Variants in RASA2 observed in about 807,000 individuals in gnomAD.
The protein encoded by RASA2 is ras GTPase-activating protein 2.
A neutral mutation model predicts 118.2 loss-of-function variants in RASA2; 155 were observed. The ratio of observed to expected loss-of-function variants is 1.31; its 90% CI spans 1.15 to 1.50. The LOEUF is 1.50. RASA2 is among the 40% of genes most tolerant of loss of function. RASA2 has a pLI of 0.00. For synonymous variants in RASA2, 353 were observed against 349.1 expected (o/e 1.01, Z -0.12); for missense variants, 1,016 against 1,009.6 (o/e 1.01, Z -0.09).
intron 1 of RASA2, among the ~76,000 whole-genome samples, chr3:141,490,277 A>G (rs1486794194): frequency 2.0e-5 from 3 of 146,514 alleles, no homozygotes; most frequent in Non-Finnish European, 4.5e-5. Flanking sequence ...ACTCCTGTGT[A>G]GCGAGTAGCA....
intron 19 of RASA2, among the ~76,000 whole-genome samples, chr3:141,604,191 T>G (rs2083511615): frequency 6.6e-6 from 1 of 152,226 alleles, no homozygotes. Flanking sequence ...AGTAGGAAAT[T>G]TAATGCACTC....
chr3:141,497,368 T>C (rs1000864544), intron 1 of RASA2, among the ~76,000 whole-genome samples: 2 of 151,928 alleles, frequency 1.3e-5, no homozygotes, highest in African/African-American at 2.4e-5. Flanking sequence ...TGGTTTGATT[T>C]CCTATAGGGA....
chr3:141,531,992 A>G (rs558661581), intron 4 of RASA2, among the ~76,000 whole-genome samples: 13 of 152,152 alleles, frequency 8.5e-5, no homozygotes, highest in Non-Finnish European at 1.8e-4. Context: ...AGAGCAATTA[A>G]TAGGGAAATA....
At chr3:141,542,097 T>A (rs2082413745) in intron 5 of RASA2, among the ~76,000 whole-genome samples, 4 of 151,872 alleles carry the variant, frequency 2.6e-5, no homozygotes, top group African/African-American at 9.7e-5. Flanking sequence ...CTTCTAGGCT[T>A]AATTTTATTT....
intron 1 of RASA2, among the ~76,000 whole-genome samples, chr3:141,494,265 T>G (rs1036380236): frequency 7.2e-5 from 11 of 152,284 alleles, no homozygotes; most frequent in African/African-American, 2.7e-4. Context: ...TATAGCAATT[T>G]AAGCTCTCAC....
chr3:141,577,065 G>GT lies in RASA2; in HGVS notation c.1550dup (p.Val518SerfsTer19). On this transcript the variant is annotated frameshift_variant, in exon 15 of 24. Transcript: ENST00000286364. LOFTEE classifies it high-confidence loss of function. The stretch of plus-strand genomic sequence containing the variant: ...ATTTCTTCGTTTCTTTGCTGTAGCC[G>GT]TAGTATCACCTCATACTTTTCATTT... 1 of 1,610,900 alleles carries GT rather than the reference G, an allele frequency of 6.2e-7. No homozygotes were observed. The highest frequency in any genetic ancestry group is 8.5e-7 in the Non-Finnish European group (1 of 1,178,026).
chr3:141,526,129 G>A (rs754640627), intron 3 of RASA2: 2 of 152,210 alleles, frequency 1.3e-5, no homozygotes, highest in Non-Finnish European at 2.9e-5. Flanking sequence ...TTCCTCATCT[G>A]TAAGATGGTG....
chr3:141,538,792 A>G (rs971750093), intron 4 of RASA2, among the ~76,000 whole-genome samples: 4 of 152,178 alleles, frequency 2.6e-5, no homozygotes, highest in African/African-American at 9.7e-5. Flanking sequence ...AGTGGGAGTA[A>G]TGAACATATT....
chr3:141,502,284 C>G (rs1014254576), intron 1 of RASA2, among the ~76,000 whole-genome samples: 1 of 151,924 alleles, frequency 6.6e-6, no homozygotes, highest in African/African-American at 2.4e-5. Context: ...TTTTTCTTTC[C>G]TCCTATCTCC....
At chr3:141,500,870 ATTTTTTTTG>A (rs369258347) in intron 1 of RASA2, among the ~76,000 whole-genome samples, 4,760 of 151,604 alleles carry the variant, frequency 0.031, 260 homozygotes, top group African/African-American at 0.11. Context: ...TTTATTTTTT[ATTTTTTTTG>A]TCTCTCAGAT....
At chr3:141,488,334 T>A (rs928242551) in intron 1 of RASA2, among the ~76,000 whole-genome samples, 3 of 152,204 alleles carry the variant, frequency 2.0e-5, no homozygotes, top group African/African-American at 7.2e-5. Flanking sequence ...AACCCTCAAT[T>A]ATGAGGGCGT....
intron 2 of RASA2, among the ~76,000 whole-genome samples, chr3:141,512,822 G>A (rs191884990): frequency 6.6e-6 from 1 of 152,294 alleles, no homozygotes; most frequent in East Asian, 1.9e-4. Context: ...CAGCACTTTG[G>A]GAGGCAGACG....
intron 3 of RASA2, among the ~76,000 whole-genome samples, chr3:141,524,135 A>G (rs1450441832): frequency 2.6e-5 from 4 of 152,148 alleles, no homozygotes; most frequent in Admixed American, 2.6e-4. Context: ...AGCTGAACCT[A>G]GCTGAGTGGC....
At chr3:141,537,801 A>G (rs746515649) in intron 4 of RASA2, among the ~76,000 whole-genome samples, 5 of 152,106 alleles carry the variant, frequency 3.3e-5, no homozygotes, top group African/African-American at 4.8e-5. Context: ...AATTCTGTCA[A>G]TTCCAATATC....
chr3:141,567,166 A>G (rs2082832766), intron 9 of RASA2, among the ~76,000 whole-genome samples: 1 of 152,210 alleles, frequency 6.6e-6, no homozygotes, highest in Admixed American at 6.5e-5. Context: ...CTGTAATCCC[A>G]GCACTTTGGG....
At chr3:141,522,954 C>T (rs866428374) in intron 3 of RASA2, among the ~76,000 whole-genome samples, 2 of 152,100 alleles carry the variant, frequency 1.3e-5, no homozygotes, top group African/African-American at 4.8e-5. Flanking sequence ...ATGATTCTCA[C>T]TGAGTCTGCA....
At chr3:141,536,994 G>C (rs1256892740) in intron 4 of RASA2, among the ~76,000 whole-genome samples, 4 of 152,152 alleles carry the variant, frequency 2.6e-5, no homozygotes, top group Non-Finnish European at 4.4e-5. Flanking sequence ...TGATCTGCCT[G>C]CCTTGGCCTC....
chr3:141,565,342 G>A (rs576306944), intron 9 of RASA2, among the ~76,000 whole-genome samples: 38 of 152,264 alleles, frequency 2.5e-4, no homozygotes, highest in African/African-American at 7.9e-4. Flanking sequence ...CAAGGTTGCC[G>A]AACATGCCCT....
intron 1 of RASA2, among the ~76,000 whole-genome samples, chr3:141,495,226 A>G (rs867661126): frequency 2.6e-5 from 4 of 152,364 alleles, no homozygotes; most frequent in Middle Eastern, 3.4e-3. Context: ...ATTATGAGGA[A>G]ACAGATACAC....
Sources: allele counts gnomAD v4.1 joint callset (sites outside exome capture counted in the v4.1 genomes callset), GRCh38; gene constraint gnomAD v4.1.1; transcripts MANE v1.5; gene names NCBI Gene and HGNC (gene_info 2026-07-23, HGNC 2026-07-21).